The following GRIA3 variants were observed in gnomAD, a reference collection of about 807,000 sequenced individuals.
GRIA3 encodes glutamate ionotropic receptor AMPA type subunit 3.
Under a neutral mutation model 63.0 loss-of-function variants are expected in GRIA3, and 3 were observed. The observed-to-expected ratio is 0.05, with a 90% CI of 0.02 to 0.12. The LOEUF is 0.12. Ranked by LOEUF, GRIA3 falls within the 10% of genes least tolerant of loss-of-function variation. The probability of loss-of-function intolerance (pLI) is 1.00; values close to 1 mark genes in which losing one functional copy is unlikely to be tolerated. For synonymous variants in GRIA3, 274 were observed against 257.9 expected, an observed-to-expected ratio of 1.06 and a Z score of -0.60; for missense variants, 347 against 700.9, an observed-to-expected ratio of 0.50 and a Z score of 5.70.
At chrX:123,385,582 T>A (rs181572217) in intron 5 of GRIA3, among the ~76,000 whole-genome samples, 2 of 112,329 alleles carry the variant, frequency 1.8e-5, no homozygotes, top group East Asian at 5.6e-4. Context: ...CTTTGGGCAT[T>A]ATGGCCATTT....
intron 13 of GRIA3, among the ~76,000 whole-genome samples, chrX:123,471,797 C>A (rs374388538): frequency 9.5e-6 from 1 of 105,422 alleles, no homozygotes; most frequent in African/African-American, 3.4e-5. Flanking sequence ...ATTTCTTTTA[C>A]GAACAATTGA....
At chrX:123,209,626 A>C (rs1049756842) in intron 2 of GRIA3, among the ~76,000 whole-genome samples, 1 of 112,336 alleles carries the variant, frequency 8.9e-6, no homozygotes, top group African/African-American at 3.2e-5. Context: ...ATTTCAGAGG[A>C]GCTCATATTT....
chrX:123,304,925 T>C (rs2044745811), intron 3 of GRIA3, among the ~76,000 whole-genome samples: 1 of 112,389 alleles, frequency 8.9e-6, no homozygotes, highest in Non-Finnish European at 1.9e-5. Context: ...GTGGCAGTCC[T>C]ATCTTCTTAA....
intron 4 of GRIA3, among the ~76,000 whole-genome samples, chrX:123,337,072 G>A (rs111501688): frequency 1.5e-4 from 17 of 112,184 alleles, no homozygotes; most frequent in African/African-American, 5.2e-4. Flanking sequence ...TCAAGAGAGG[G>A]AAACTGATCT....
chrX:123,196,602 A>G (rs1927582177), intron 2 of GRIA3, among the ~76,000 whole-genome samples: 1 of 111,860 alleles, frequency 8.9e-6, no homozygotes, highest in Non-Finnish European at 1.9e-5. Flanking sequence ...GTGGCTGTCC[A>G]CAGGACAATT....
chrX:123,302,038 A>G (rs1477312326), intron 3 of GRIA3, among the ~76,000 whole-genome samples: 1 of 112,188 alleles, frequency 8.9e-6, no homozygotes, highest in Non-Finnish European at 1.9e-5. Context: ...TACAGGCTGC[A>G]CAAGGCCTAG....
intron 4 of GRIA3, among the ~76,000 whole-genome samples, chrX:123,329,332 T>A (rs753191855): frequency 1.8e-5 from 2 of 112,279 alleles, no homozygotes; most frequent in Admixed American, 1.9e-4. Flanking sequence ...TGGTGCAATT[T>A]TAAAATATAA....
intron 12 of GRIA3, among the ~76,000 whole-genome samples, chrX:123,449,799 C>T: frequency 8.9e-6 from 1 of 112,077 alleles, no homozygotes. Context: ...TAATTCTAAT[C>T]TGTGCCACAG....
chrX:123,386,352 T>C (rs1160759810), intron 5 of GRIA3, among the ~76,000 whole-genome samples: 1 of 112,048 alleles, frequency 8.9e-6, no homozygotes, highest in East Asian at 2.8e-4. Flanking sequence ...ATATTCTGGA[T>C]ATTAGTCCCT....
chrX:123,237,248 G>A lies in GRIA3; in HGVS notation c.269-16055G>A, dbSNP rs769771274. ...AGTCTAGGGCAGAAAATTCCTACAG[G>A]AGACCTGTGGAAGACAATTTTAGTT... On this transcript the variant is annotated intron_variant, in intron 2 of 15. Coordinates refer to ENST00000620443, the MANE Select transcript of GRIA3 (RefSeq NM_007325.5). Among the ~76,000 whole-genome samples the A allele has an allele frequency of 1.3e-3, 150 of 112,087 alleles. 1 individual carries two copies. Among genetic ancestry groups the A allele is most frequent in the African/African-American group, 4.7e-3 (146 of 30,880 alleles).
rs746849381 is a variant in GRIA3, at chrX:123,379,915, T to C, written c.751-15053T>C. ...GGTGTTTGGTTTTCTGTCTTTGTGA[T>C]AGTTTGCTCAGAATGATGGTTTCCA... On this transcript the variant is annotated intron_variant, in intron 5 of 15. Coordinates refer to ENST00000620443, the MANE Select transcript of GRIA3 (RefSeq NM_007325.5). Among the ~76,000 whole-genome samples the C allele has an allele frequency of 1.4e-4, 15 of 107,607 alleles. No homozygotes were observed. The East Asian group carries it at 2.7e-3, about 19-fold the overall frequency. 93.4% of individuals were successfully genotyped at this position (107,607 alleles called of 115,157 possible).
At chrX:123,432,661 C>G (rs1200249355) in intron 12 of GRIA3, among the ~76,000 whole-genome samples, 1 of 111,446 alleles carries the variant, frequency 9.0e-6, no homozygotes, top group Non-Finnish European at 1.9e-5. Flanking sequence ...GCAGAAAAAT[C>G]CCAGAGAGAT....
At chrX:123,226,319 A>G (rs1214502549) in intron 2 of GRIA3, among the ~76,000 whole-genome samples, 2 of 111,862 alleles carry the variant, frequency 1.8e-5, no homozygotes, top group Non-Finnish European at 3.8e-5. Context: ...ATTTTTGTAT[A>G]TTTTTCCATT....
At chrX:123,236,717 G>A (rs751051729) in intron 2 of GRIA3, among the ~76,000 whole-genome samples, 4 of 110,430 alleles carry the variant, frequency 3.6e-5, no homozygotes, top group African/African-American at 1.3e-4. Context: ...AGGAGATAGA[G>A]CTAAAAAAAA....
At chrX:123,358,021 G>GT (rs1352900579) in intron 5 of GRIA3, among the ~76,000 whole-genome samples, 1 of 110,811 alleles carries the variant, frequency 9.0e-6, no homozygotes, top group Non-Finnish European at 1.9e-5. Context: ...ATGGTTCCCA[G>GT]TTTTTTCAAA....
At chrX:123,455,008 G>A (rs748785650) in intron 12 of GRIA3, among the ~76,000 whole-genome samples, 29 of 111,845 alleles carry the variant, frequency 2.6e-4, no homozygotes, top group Middle Eastern at 9.2e-3. Flanking sequence ...GAAGTGGAAG[G>A]AAACATGTCC....
At chrX:123,378,412 CTTTTT>C (rs58776257) in intron 5 of GRIA3, among the ~76,000 whole-genome samples, 2 of 95,294 alleles carry the variant, frequency 2.1e-5, no homozygotes, top group South Asian at 9.6e-4. Flanking sequence ...ACTTGAGGCA[CTTTTT>C]TTTTTTTTTT....
intron 3 of GRIA3, among the ~76,000 whole-genome samples, chrX:123,313,451 T>G (rs2044811158): frequency 9.0e-6 from 1 of 111,187 alleles, no homozygotes; most frequent in African/African-American, 3.3e-5. Flanking sequence ...TCAAGGAGTC[T>G]CAGCACTCCT....
intron 3 of GRIA3, among the ~76,000 whole-genome samples, chrX:123,290,686 T>G (rs981466229): frequency 9.1e-6 from 1 of 109,630 alleles, no homozygotes; most frequent in Non-Finnish European, 1.9e-5. Flanking sequence ...TGTTCTCAAT[T>G]TATATAGCAC....
Sources: allele counts gnomAD v4.1 joint callset (sites outside exome capture counted in the v4.1 genomes callset), GRCh38; gene constraint gnomAD v4.1.1; transcripts MANE v1.5; gene names NCBI Gene and HGNC (gene_info 2026-07-23, HGNC 2026-07-21).